VSIR: variants seen among roughly 807,000 people sequenced by gnomAD.
The protein encoded by VSIR is V-set immunoregulatory receptor.
In VSIR, 10 loss-of-function variants were observed where a neutral mutation model predicts 31.0. That is an observed-to-expected ratio of 0.32 (90% CI 0.20 to 0.55). VSIR has a LOEUF of 0.55. Ranked by LOEUF, VSIR falls within the 20% of genes least tolerant of loss-of-function variation. The pLI is 0.93. For synonymous variants in VSIR, 179 were observed against 180.1 expected (o/e 0.99, Z 0.05); for missense variants, 356 against 416.2 (o/e 0.86, Z 1.26).
chr10:71,765,820 G>T (rs185444282), intron 1 of VSIR, among the ~76,000 whole-genome samples: 1 of 152,172 alleles, frequency 6.6e-6, no homozygotes, highest in Admixed American at 6.5e-5. Flanking sequence ...GGGAGCAGGG[G>T]AGGATGTTCA....
chr10:71,764,244 T>C (rs916604520), intron 1 of VSIR, among the ~76,000 whole-genome samples: 21 of 151,160 alleles, frequency 1.4e-4, no homozygotes, highest in African/African-American at 3.7e-4. Context: ...ACGCTAAGGG[T>C]TTCATGGGCA....
chr10:71,772,502 G>A (rs1840709162), intron 1 of VSIR, among the ~76,000 whole-genome samples: 2 of 152,214 alleles, frequency 1.3e-5, no homozygotes, highest in Admixed American at 1.3e-4. Context: ...CAGGGCCTCT[G>A]CCCCCAGCCC....
rs1158687742 is a variant in VSIR at position 71,749,016 on chromosome 10, G to A, written c.*2237C>T. On this transcript the variant is annotated 3_prime_UTR_variant, in exon 7 of 7. Coordinates refer to ENST00000394957, the MANE Select transcript of VSIR (RefSeq NM_022153.2). The stretch of plus-strand genomic sequence containing the variant: ...CGCACCAGAGGAAGCTGAGGAGGAA[G>A]TGCGGTGGCTGTTCTGCTGCGGGCC... The A allele has an allele frequency of 6.6e-6, 1 of 152,532 alleles. No individual in the cohort carries two copies. Among genetic ancestry groups the A allele is most frequent in the Non-Finnish European group, 1.5e-5 (1 of 68,136 alleles). The allele number at this position is 152,532 out of a possible 1,614,324, so 9.4% of individuals were successfully genotyped here.
intron 4 of VSIR, 152 bp from the exon 5 acceptor site, chr10:71,753,154 C>T: frequency 3.9e-6 from 3 of 760,052 alleles, no homozygotes; most frequent in Non-Finnish European, 5.7e-6. Flanking sequence ...CACATGGGTG[C>T]TGTCCAGCAA....
chr10:71,754,327 TG>T (rs1261341315), intron 4 of VSIR, among the ~76,000 whole-genome samples: 1 of 151,174 alleles, frequency 6.6e-6, no homozygotes, highest in Admixed American at 6.6e-5. Flanking sequence ...GGGCTTCACG[TG>T]GGGGCCCCCG....
intron 4 of VSIR, chr10:71,755,030 C>T: frequency 2.0e-6 from 1 of 504,500 alleles, no homozygotes; most frequent in Non-Finnish European, 3.9e-6. Flanking sequence ...AACAGGTCCC[C>T]CAAGGATCTC....
chr10:71,768,776 G>T (rs916990118), intron 1 of VSIR, among the ~76,000 whole-genome samples: 1 of 152,178 alleles, frequency 6.6e-6, no homozygotes, highest in Non-Finnish European at 1.5e-5. Context: ...CACTGTGCTC[G>T]GCCTCATTCT....
In VSIR at chr10:71,751,819, T is replaced by G. The variant is rs761467389; in HGVS notation, c.747A>C (p.Pro249=). Residue 249 remains proline (P), a synonymous_variant, in exon 6 of 7, where the codon CCA becomes CCC. Coordinates refer to ENST00000394957, the MANE Select transcript of VSIR (RefSeq NM_022153.2). The surrounding 1 kb of genome is among the most constrained non-coding windows in gnomAD (Gnocchi z 4.9). ...GIENPGFEAS[P]PAQGIPEAKV... Reference sequence around the variant, plus strand: ...TGGCCTCGGGTATCCCCTGGGCAGGTGGTGAGGCTTCAAAGCCGGGGTTTT... The same window carrying G: ...TGGCCTCGGGTATCCCCTGGGCAGGGGGTGAGGCTTCAAAGCCGGGGTTTT... 29 of 1,573,526 alleles carry G rather than the reference T, an allele frequency of 1.8e-5. 1 individual carries two copies. The South Asian group carries it at 3.4e-4, about 18-fold the overall frequency.
chr10:71,759,888 T>TATACACAC (rs1211461244), intron 3 of VSIR, among the ~76,000 whole-genome samples: 1 of 29,946 alleles, frequency 3.3e-5, no homozygotes, highest in South Asian at 1.1e-3. Context: ...CACACACATA[T>TATACACAC]ACACACACAC....
chr10:71,754,024 A>G (rs1840071518), intron 4 of VSIR, among the ~76,000 whole-genome samples: 1 of 152,186 alleles, frequency 6.6e-6, no homozygotes. Context: ...TGGCCTCTCC[A>G]GCAAACTGCC....
intron 1 of VSIR, among the ~76,000 whole-genome samples, chr10:71,764,701 A>G (rs1204720445): frequency 6.6e-6 from 1 of 151,786 alleles, no homozygotes; most frequent in Non-Finnish European, 1.5e-5. Context: ...GGCCTGCTTC[A>G]CTCTCTCACC....
Position 71,748,439 on chromosome 10 carries a change from A to G in VSIR, c.*2814T>C, listed in dbSNP as rs35177163. On this transcript the variant is annotated 3_prime_UTR_variant, in exon 7 of 7. Coordinates refer to ENST00000394957, the MANE Select transcript of VSIR (RefSeq NM_022153.2). ...GGTGTGTTTTTAGGGAGTGCTGAGC[A>G]GTCCCCGCTGTGTCAGCAAAACCCT... is the stretch of plus-strand genomic sequence containing the variant. 0.19 allele frequency: 29,091 copies of G among 152,296 alleles called. 2,889 individuals carry two copies. The highest frequency in any genetic ancestry group is 0.22 in the Non-Finnish European group (14,795 of 68,040). 9.4% of individuals were successfully genotyped at this position (152,296 alleles called of 1,614,324 possible).
intron 1 of VSIR, among the ~76,000 whole-genome samples, chr10:71,770,957 T>C (rs1437665500): frequency 6.6e-6 from 1 of 152,036 alleles, no homozygotes; most frequent in Non-Finnish European, 1.5e-5. Flanking sequence ...GGGCAGTGGG[T>C]TGTGGATTTC....
intron 1 of VSIR, among the ~76,000 whole-genome samples, chr10:71,763,910 G>A (rs1243337979): frequency 2.6e-5 from 4 of 152,180 alleles, no homozygotes; most frequent in Admixed American, 6.5e-5. Context: ...ATCCTGGGGC[G>A]CTTGTGTTTA....
At chr10:71,762,801 T>C (rs187502744) in intron 1 of VSIR, among the ~76,000 whole-genome samples, 12 of 152,328 alleles carry the variant, frequency 7.9e-5, no homozygotes, top group African/African-American at 2.6e-4. Context: ...AGAGAGTATA[T>C]GAAAGGTCAT....
At chr10:71,768,397 C>T (rs556916133) in intron 1 of VSIR, among the ~76,000 whole-genome samples, 4 of 152,224 alleles carry the variant, frequency 2.6e-5, no homozygotes, top group South Asian at 4.1e-4. Context: ...TCTTGAACTC[C>T]TGACCTCATG....
intron 4 of VSIR, 88 bp downstream of exon 4, chr10:71,755,271 G>T: frequency 8.6e-7 from 1 of 1,157,956 alleles, no homozygotes; most frequent in Non-Finnish European, 1.2e-6. Flanking sequence ...TGCCTGCATC[G>T]TGCCTTTGCG....
intron 1 of VSIR, 108 bp from the exon 2 acceptor site, chr10:71,762,134 G>T: frequency 7.7e-7 from 1 of 1,301,558 alleles, no homozygotes; most frequent in Non-Finnish European, 1.0e-6. Flanking sequence ...CCACAGGCCA[G>T]GGGCATGTCA....
At chr10:71,752,874 G>A (rs1443131179) in intron 5 of VSIR, 101 bp downstream of exon 5, 1 of 1,385,628 alleles carries the variant, frequency 7.2e-7, no homozygotes, top group Non-Finnish European at 9.9e-7. Flanking sequence ...CTTCTGACCA[G>A]CTGCTCTAGG....
Sources: allele counts gnomAD v4.1 joint callset (sites outside exome capture counted in the v4.1 genomes callset), GRCh38; gene constraint gnomAD v4.1.1; non-coding constraint Gnocchi (gnomAD v3.1); transcripts MANE v1.5; gene names NCBI Gene and HGNC (gene_info 2026-07-23, HGNC 2026-07-21).